GCC2: variants seen among roughly 807,000 people sequenced by gnomAD.
GCC2 encodes the protein GRIP and coiled-coil domain containing 2, also known as GRIP and coiled-coil domain-containing protein 2.
GCC2 carries 120 observed loss-of-function variants against 210.6 expected under a neutral mutation model. The observed-to-expected ratio is 0.57, with a 90% CI of 0.49 to 0.66. The LOEUF is 0.66. GCC2 is among the 30% of genes least tolerant of loss of function. The pLI, the probability that GCC2 is intolerant of heterozygous loss-of-function variation, is 0.00. For synonymous variants in GCC2, 703 were observed against 652.7 expected, an observed-to-expected ratio of 1.08 and a Z score of -1.17; for missense variants, 1,868 against 1,871.9, an observed-to-expected ratio of 1.00 and a Z score of 0.04.
In GCC2 at chr2:108,475,618, G is replaced by T. The variant is rs1230280873; in HGVS notation, c.2944G>T (p.Asp982Tyr). Residue 982 changes from aspartate to tyrosine, a missense_variant, in exon 8 of 23, where the codon GAT becomes TAT. This residue lies in a region of GCC2 where 1,847 missense variants were observed against 1,765.2 expected (regional missense o/e 1.05). Transcript: ENST00000309863. ...LVAVKAKKEL[D>Y]SSRKETQTVK... ...TGCCGTAAAGGCAAAGAAAGAACTA[G>T]ATTCCAGCAGAAAAGAGGTGAGCTG... is the stretch of plus-strand genomic sequence containing the variant. 1 of 1,544,208 alleles carries T rather than the reference G, an allele frequency of 6.5e-7. No homozygotes were observed. The highest frequency in any genetic ancestry group is 8.7e-7 in the Non-Finnish European group (1 of 1,145,132).
intron 6 of GCC2, 55 bp downstream of exon 6, chr2:108,472,171 A>T (rs935851496): frequency 1.6e-6 from 2 of 1,212,480 alleles, no homozygotes; most frequent in African/African-American, 3.1e-5. Flanking sequence ...CAACTCTACA[A>T]TATATACGTT....
chr2:108,458,740 T>A (rs931301889), intron 4 of GCC2, among the ~76,000 whole-genome samples: 2 of 152,134 alleles, frequency 1.3e-5, no homozygotes, highest in Non-Finnish European at 2.9e-5. Context: ...TCTGATGGTC[T>A]ATTTATTTCT....
intron 4 of GCC2, among the ~76,000 whole-genome samples, chr2:108,462,897 ATT>A (rs70956258): frequency 2.3e-4 from 35 of 149,388 alleles, no homozygotes; most frequent in African/African-American, 3.9e-4. Context: ...TTTTACCCTT[ATT>A]TTTTTTTTTG....
intron 4 of GCC2, among the ~76,000 whole-genome samples, chr2:108,463,726 T>C (rs1411756677): frequency 6.6e-6 from 1 of 152,114 alleles, no homozygotes; most frequent in Non-Finnish European, 1.5e-5. Flanking sequence ...GGCTGTTGGG[T>C]GGGTTCTTGA....
intron 9 of GCC2, among the ~76,000 whole-genome samples, chr2:108,480,053 A>T (rs890527734): frequency 6.6e-6 from 1 of 151,384 alleles, no homozygotes. Flanking sequence ...AGCCAAGGAC[A>T]CAAGAGGTCC....
chr2:108,451,837 C>CTCTCTT (rs1464164313), intron 3 of GCC2, among the ~76,000 whole-genome samples: 2 of 142,076 alleles, frequency 1.4e-5, no homozygotes, highest in African/African-American at 5.2e-5. Context: ...TTCTCTCTCT[C>CTCTCTT]TCTCTTTTTT....
At position 108,451,143 on chromosome 2, in the gene GCC2, C is replaced by CT. The variant is rs1415927479; in HGVS notation, c.148+31_148+32insT. 4 of 1,284,252 alleles carry CT rather than the reference C, an allele frequency of 3.1e-6. No individual in the cohort carries two copies. In the African/African-American group the frequency reaches 5.9e-5, roughly 19 times the overall value. 79.6% of individuals were successfully genotyped at this position (1,284,252 alleles called of 1,614,324 possible). On this transcript the variant is annotated intron_variant, in intron 3 of 22. Coordinates refer to ENST00000309863, the MANE Select transcript of GCC2 (RefSeq NM_181453.4). Reference sequence around the variant, plus strand: ...GGGTTGAAAATACTCATCTTGATCACAGTCTCTTTAATCGTGGTTTAAAAT... The same window carrying CT: ...GGGTTGAAAATACTCATCTTGATCACTAGTCTCTTTAATCGTGGTTTAAAAT...
intron 18 of GCC2, chr2:108,490,269 A>G: frequency 3.2e-6 from 1 of 310,434 alleles, no homozygotes; most frequent in East Asian, 5.2e-5. Context: ...CTTGGCTAGG[A>G]TGTTTCTCTA....
At chr2:108,475,940 C>A in intron 9 of GCC2, 90 bp downstream of exon 9, 1 of 647,080 alleles carries the variant, frequency 1.5e-6, no homozygotes, top group Non-Finnish European at 2.6e-6. Flanking sequence ...AAACTATTGT[C>A]AACAAAACAA....
Position 108,485,695 on chromosome 2 carries a change from C to T in GCC2, c.3673C>T (p.Leu1225Phe), listed in dbSNP as rs1260097871. Residue 1225 changes from leucine (L) to phenylalanine (F), a missense_variant, in exon 14 of 23, where the codon CTT becomes TTT. This residue lies in a region of GCC2 where 1,847 missense variants were observed against 1,765.2 expected (regional missense o/e 1.05). Transcript: ENST00000309863. ...AAAAAACACCAAAATCAAGCAATTG[C>T]TTGTGAAAACCAAAAAGGAACTGGC... The part of the protein sequence containing the change: ...EEKNTKIKQL[L>F]VKTKKELADS... 4.4e-6 allele frequency: 7 copies of T among 1,598,806 alleles called. No homozygotes were observed. Among genetic ancestry groups the T allele is most frequent in the Non-Finnish European group, 6.0e-6 (7 of 1,173,350 alleles).
Position 108,486,493 on chromosome 2 carries a change from T to G in GCC2, c.3793-18T>G, listed in dbSNP as rs900621507. On this transcript the variant is annotated intron_variant, in intron 15 of 22. Coordinates refer to ENST00000309863, the MANE Select transcript of GCC2 (RefSeq NM_181453.4). ...AAGATAGGATTTGCTAAAGCTAAAT[T>G]TAAAGATTTACCCCCAGATACAGCT... The G allele has an allele frequency of 6.2e-7, 1 of 1,613,530 alleles. No individual in the cohort carries two copies.
chr2:108,449,983 C>A, intron 2 of GCC2: 1 of 343,172 alleles, frequency 2.9e-6, no homozygotes, highest in Non-Finnish European at 5.4e-6. Context: ...GTGGAAGGAG[C>A]AGTGACATAG....
intron 16 of GCC2, 60 bp downstream of exon 16, chr2:108,486,708 G>T: frequency 1.3e-6 from 2 of 1,502,410 alleles, no homozygotes; most frequent in Non-Finnish European, 1.8e-6. Context: ...CTAGTCATTG[G>T]TTTACTCCAG....
At position 108,489,881 on chromosome 2, in the gene GCC2, C is replaced by T. The variant is rs761409091; in HGVS notation, c.4096C>T (p.Gln1366Ter). 5.6e-6 allele frequency: 9 copies of T among 1,606,764 alleles called. No individual in the cohort carries two copies. The Admixed American group carries it at 6.8e-5, about 12-fold the overall frequency. ...MLIDQLKIKL[Q>*]DSQNNLQINV... ...GATTGACCAGCTAAAAATCAAATTA[C>T]AAGATAGCCAAAATAACTTACAGAT... The change falls in exon 18 of 23, where the codon CAA (glutamine) becomes TAA (stop). Residue 1366 changes from glutamine to a stop codon, truncating the protein, a stop_gained. Transcript: ENST00000309863. LOFTEE classifies it high-confidence loss of function.
chr2:108,493,598 C>A, intron 19 of GCC2: 1 of 985,428 alleles, frequency 1.0e-6, no homozygotes. Flanking sequence ...CAGCCACACC[C>A]AGTATCTTCC....
chr2:108,449,612 G>A (rs1679798840), intron 1 of GCC2, 21 bp from the exon 2 acceptor site: 2 of 1,610,612 alleles, frequency 1.2e-6, no homozygotes, highest in African/African-American at 2.7e-5. Flanking sequence ...TCTGACACCT[G>A]GGTTTGATTT....
intron 4 of GCC2, among the ~76,000 whole-genome samples, chr2:108,463,615 C>G (rs1007413123): frequency 3.9e-5 from 6 of 152,102 alleles, no homozygotes; most frequent in African/African-American, 1.4e-4. Flanking sequence ...GCATGCCTGT[C>G]CCTGGGCCCC....
chr2:108,477,891 C>G (rs1681626308), intron 9 of GCC2, among the ~76,000 whole-genome samples: 1 of 152,052 alleles, frequency 6.6e-6, no homozygotes, highest in Non-Finnish European at 1.5e-5. Context: ...ACAAAATACA[C>G]AAAATTTAGC....
At chr2:108,496,631 C>T in intron 20 of GCC2, 1 of 315,018 alleles carries the variant, frequency 3.2e-6, no homozygotes, top group South Asian at 3.5e-5. Flanking sequence ...TAATGCTTTC[C>T]TTATACGTGA....
Sources: allele counts gnomAD v4.1 joint callset (sites outside exome capture counted in the v4.1 genomes callset), GRCh38; gene constraint gnomAD v4.1.1; regional missense constraint gnomAD v4.1.1; transcripts MANE v1.5; gene names NCBI Gene and HGNC (gene_info 2026-07-23, HGNC 2026-07-21).